The following CDH4 variants were observed in gnomAD, a reference collection of about 807,000 sequenced individuals.
CDH4 encodes cadherin-4.
A neutral mutation model predicts 86.0 loss-of-function variants in CDH4; 33 were observed. That is an observed-to-expected ratio of 0.38 (90% CI 0.29 to 0.51). CDH4 has a LOEUF of 0.51. Ranked by LOEUF, CDH4 falls within the 20% of genes least tolerant of loss-of-function variation. The pLI, the probability that CDH4 is intolerant of heterozygous loss-of-function variation, is 0.86. For missense variants in CDH4, 1,114 were observed against 1,307.4 expected, an observed-to-expected ratio of 0.85 and a Z score of 2.28; for synonymous variants, 555 against 549.4, an observed-to-expected ratio of 1.01 and a Z score of -0.14.
chr20:61,882,109 C>T (rs1031825334), intron 7 of CDH4, among the ~76,000 whole-genome samples: 24 of 152,210 alleles, frequency 1.6e-4, no homozygotes, highest in African/African-American at 5.3e-4. Flanking sequence ...TCTGGCCTTC[C>T]GGACTGCTGT....
In CDH4 at chr20:61,708,989, C is replaced by T. The variant is rs1356464456; in HGVS notation, c.170-34574C>T. ...ACGGACGGGCAGCAGACCTGCTCAGCCCTGCCTTCCCCGAAGGACCTCAGG... is the reference window on the plus strand; with the variant it reads ...ACGGACGGGCAGCAGACCTGCTCAGTCCTGCCTTCCCCGAAGGACCTCAGG... On this transcript the variant is annotated intron_variant, in intron 2 of 15. Transcript: ENST00000614565. The surrounding 1 kb of genome is among the most constrained non-coding windows in gnomAD (Gnocchi z 4.5). 6.6e-6 allele frequency among the ~76,000 whole-genome samples: 1 copy of T among 152,254 alleles called. No homozygotes were observed. Among genetic ancestry groups the T allele is most frequent in the Non-Finnish European group, 1.5e-5 (1 of 68,054 alleles).
rs543240167 is a variant in CDH4 at position 61,286,050 on chromosome 20, C to G, written c.169+31113C>G. Among the ~76,000 whole-genome samples the G allele has an allele frequency of 6.6e-5, 10 of 152,334 alleles. No homozygotes were observed. The South Asian group carries it at 2.1e-3, about 32-fold the overall frequency. ...GATTCCATGTGTTAAGTATTGCGCTCTGGATGTGCCAGCCCATCCTAATGA... is the reference window on the plus strand; with the variant it reads ...GATTCCATGTGTTAAGTATTGCGCTGTGGATGTGCCAGCCCATCCTAATGA... On this transcript the variant is annotated intron_variant, in intron 2 of 15. Transcript: ENST00000614565.
At chr20:61,355,269 G>T (rs991140599) in intron 2 of CDH4, among the ~76,000 whole-genome samples, 11 of 152,180 alleles carry the variant, frequency 7.2e-5, no homozygotes, top group African/African-American at 2.7e-4. Context: ...CATTCAGAAA[G>T]GCTGGAGCAG....
At chr20:61,745,087 G>A (rs1385530590) in intron 3 of CDH4, among the ~76,000 whole-genome samples, 1 of 152,262 alleles carries the variant, frequency 6.6e-6, no homozygotes, top group Non-Finnish European at 1.5e-5. Context: ...GGTCGTTTGA[G>A]ATACGGTGAG....
At chr20:61,689,768 G>A (rs537149236) in intron 2 of CDH4, among the ~76,000 whole-genome samples, 2 of 151,484 alleles carry the variant, frequency 1.3e-5, no homozygotes, top group African/African-American at 4.9e-5. Context: ...GAATTGGGCT[G>A]GGACATTGTT....
intron 2 of CDH4, among the ~76,000 whole-genome samples, chr20:61,442,715 G>A (rs772806673): frequency 1.3e-5 from 2 of 152,212 alleles, no homozygotes; most frequent in African/African-American, 2.4e-5. Flanking sequence ...GGAGGCTCCC[G>A]GGATGCACTG....
chr20:61,267,579 A>G (rs958086344), intron 2 of CDH4, among the ~76,000 whole-genome samples: 1 of 152,248 alleles, frequency 6.6e-6, no homozygotes, highest in Non-Finnish European at 1.5e-5. Flanking sequence ...ATTAAAATGT[A>G]TATGGAACAT....
chr20:61,502,901 G>A (rs1300202888), intron 2 of CDH4, among the ~76,000 whole-genome samples: 1 of 152,186 alleles, frequency 6.6e-6, no homozygotes, highest in Non-Finnish European at 1.5e-5. Context: ...CCTTGTGGTT[G>A]TTGGGGCAAT....
chr20:61,486,195 C>T (rs2085595583), intron 2 of CDH4, among the ~76,000 whole-genome samples: 1 of 152,246 alleles, frequency 6.6e-6, no homozygotes, highest in African/African-American at 2.4e-5. Context: ...TCCTTCCACA[C>T]CGCCATGCTG....
intron 2 of CDH4, among the ~76,000 whole-genome samples, chr20:61,669,163 C>A (rs73148397): frequency 4.6e-5 from 7 of 152,336 alleles, no homozygotes; most frequent in Non-Finnish European, 7.3e-5. Flanking sequence ...CAATAATTCC[C>A]TGTGAAGGGC....
chr20:61,362,567 G>A (rs191018008), intron 2 of CDH4, among the ~76,000 whole-genome samples: 211 of 152,060 alleles, frequency 1.4e-3, no homozygotes, highest in African/African-American at 4.6e-3. Context: ...CTAGGACAGC[G>A]TAGTGGAGAG....
rs1370196455 is a variant in CDH4, at chr20:61,441,678, T to C, written c.169+186741T>C. On this transcript the variant is annotated intron_variant, in intron 2 of 15. Transcript: ENST00000614565. ...GGCCCGTCTTCCATGTGAGCACACA[T>C]AGAAAGTACCATTTAGGAGAAAACA... is the stretch of plus-strand genomic sequence containing the variant. Among the ~76,000 whole-genome samples the C allele has an allele frequency of 2.0e-5, 3 of 152,152 alleles. No homozygotes were observed. The South Asian group carries it at 6.2e-4, about 32-fold the overall frequency.
intron 2 of CDH4, among the ~76,000 whole-genome samples, chr20:61,376,279 G>T (rs1250844288): frequency 2.0e-5 from 3 of 152,044 alleles, no homozygotes; most frequent in African/African-American, 7.2e-5. Context: ...AAGGAGCATA[G>T]GACCCCTGAG....
chr20:61,483,713 A>G (rs1364727230), intron 2 of CDH4, among the ~76,000 whole-genome samples: 1 of 146,978 alleles, frequency 6.8e-6, no homozygotes, highest in Non-Finnish European at 1.5e-5. Flanking sequence ...ACACACACAA[A>G]TAGCCTAAGA....
At chr20:61,321,960 C>A (rs1568796865) in intron 2 of CDH4, among the ~76,000 whole-genome samples, 1 of 151,524 alleles carries the variant, frequency 6.6e-6, no homozygotes, top group Non-Finnish European at 1.5e-5. Context: ...AATAATATAA[C>A]AAGGAGCTGC....
chr20:61,393,661 G>A lies in CDH4; in HGVS notation c.169+138724G>A, dbSNP rs190919209. Among the ~76,000 whole-genome samples, 139 of 152,168 alleles carry A rather than the reference G, an allele frequency of 9.1e-4. 1 individual carries two copies. The highest frequency in any genetic ancestry group is 2.4e-3 in the African/African-American group (101 of 41,518). ...CATAGTGGTTGCAGCGAGGATCATC[G>A]AAGTAGACCTGGCTGGGTGAGAGTC... On this transcript the variant is annotated intron_variant, in intron 2 of 15. Coordinates refer to ENST00000614565, the MANE Select transcript of CDH4 (RefSeq NM_001794.5). The surrounding 1 kb of genome is among the most constrained non-coding windows in gnomAD (Gnocchi z 4.3).
chr20:61,557,209 C>T (rs2748152), intron 2 of CDH4, among the ~76,000 whole-genome samples: 389 of 152,246 alleles, frequency 2.6e-3, no homozygotes, highest in Non-Finnish European at 3.6e-3. Flanking sequence ...CCAAGGAGTA[C>T]GTATTTTAGG....
At chr20:61,654,950 C>T (rs778215189) in intron 2 of CDH4, among the ~76,000 whole-genome samples, 1 of 152,074 alleles carries the variant, frequency 6.6e-6, no homozygotes, top group Non-Finnish European at 1.5e-5. Flanking sequence ...GACAGGGACA[C>T]GGGGGCCTGA....
At position 61,557,581 on chromosome 20, in the gene CDH4, G is replaced by A. The variant is rs1211597795; in HGVS notation, c.170-185982G>A. Among the ~76,000 whole-genome samples, 6 of 152,196 alleles carry A rather than the reference G, an allele frequency of 3.9e-5. No homozygotes were observed. In the East Asian group the frequency reaches 7.7e-4, roughly 20 times the overall value. ...TCTTGTGATAGCTGTTATTTGGATA[G>A]CTTAGAGGAATGAGAAGAGATAAAA... is the stretch of plus-strand genomic sequence containing the variant. On this transcript the variant is annotated intron_variant, in intron 2 of 15. Coordinates refer to ENST00000614565, the MANE Select transcript of CDH4 (RefSeq NM_001794.5).
Sources: allele counts gnomAD v4.1 joint callset (sites outside exome capture counted in the v4.1 genomes callset), GRCh38; gene constraint gnomAD v4.1.1; non-coding constraint Gnocchi (gnomAD v3.1); transcripts MANE v1.5; gene names NCBI Gene and HGNC (gene_info 2026-07-23, HGNC 2026-07-21).